AGPS: variants seen among roughly 807,000 people sequenced by gnomAD.
AGPS encodes the protein alkyldihydroxyacetonephosphate synthase, peroxisomal.
In AGPS, 26 loss-of-function variants were observed where a neutral mutation model predicts 90.7. The observed-to-expected ratio is 0.29, with a 90% CI of 0.21 to 0.40. The LOEUF (loss-of-function observed/expected upper bound fraction) is 0.40, where lower values mean the gene tolerates loss of function less well. Among genes scored for constraint, AGPS ranks in the 10% least tolerant of loss-of-function variants. The probability of loss-of-function intolerance (pLI) is 1.00; values close to 1 mark genes in which losing one functional copy is unlikely to be tolerated. For synonymous variants in AGPS, 294 were observed against 285.3 expected (o/e 1.03, Z -0.31); for missense variants, 540 against 816.1 (o/e 0.66, Z 4.12).
rs2079218095 is a variant in AGPS, at chr2:177,540,000, A to T, written c.*1805A>T. 1 of 35,856 alleles carries T rather than the reference A, an allele frequency of 2.8e-5. No individual in the cohort carries two copies. Among genetic ancestry groups the T allele is most frequent in the Non-Finnish European group, 6.3e-5 (1 of 15,760 alleles). The allele number at this position is 35,856 out of a possible 1,614,324, so 2.2% of individuals were successfully genotyped here. On this transcript the variant is annotated 3_prime_UTR_variant, in exon 20 of 20. Transcript: ENST00000264167. ...AATTTCTTTAATTGGTGATCAAAAT[A>T]TAAAATTAAGGTACTAATGTCTCAC...
chr2:177,497,384 G>A (rs1471311536), intron 12 of AGPS, among the ~76,000 whole-genome samples: 10 of 151,552 alleles, frequency 6.6e-5, no homozygotes, highest in East Asian at 1.9e-4. Flanking sequence ...AAACCATACC[G>A]TTGAAAGAAA....
intron 8 of AGPS, among the ~76,000 whole-genome samples, chr2:177,453,824 A>G (rs920816428): frequency 1.4e-5 from 2 of 142,718 alleles, no homozygotes; most frequent in African/African-American, 2.5e-5. Context: ...AGTAGCTGGG[A>G]TTACAAGCTT....
chr2:177,409,155 GC>G (rs5836608), intron 1 of AGPS, among the ~76,000 whole-genome samples: 92,246 of 151,614 alleles, frequency 0.61, 30,767 homozygotes, highest in Non-Finnish European at 0.72. Context: ...AGTAGAAGGG[GC>G]TACTGCTGAT....
chr2:177,521,428 CT>C, intron 18 of AGPS, 60 bp downstream of exon 18: 1 of 1,354,448 alleles, frequency 7.4e-7, no homozygotes, highest in African/African-American at 1.4e-5. Flanking sequence ...ATAAATTTTA[CT>C]GTCAATTTAT....
rs952824140 is a variant in AGPS at position 177,542,941 on chromosome 2, C to A, written c.*4746C>A. On this transcript the variant is annotated 3_prime_UTR_variant, in exon 20 of 20. Coordinates refer to ENST00000264167, the MANE Select transcript of AGPS (RefSeq NM_003659.4). ...TCAGCAGTTCAAGACTATTCCTCTT[C>A]AAGAACATGTCAGGAATTAAGCAGT... 90 of 152,220 alleles carry A rather than the reference C, an allele frequency of 5.9e-4. No individual in the cohort carries two copies. The Middle Eastern group carries it at 0.01, about 17-fold the overall frequency. The allele number at this position is 152,220 out of a possible 1,614,324, so 9.4% of individuals were successfully genotyped here.
Position 177,392,837 on chromosome 2 carries a change from C to G in AGPS, c.48C>G (p.Gly16=). The G allele has an allele frequency of 6.5e-7, 1 of 1,546,462 alleles. No homozygotes were observed. Among genetic ancestry groups the G allele is most frequent in the Non-Finnish European group, 8.7e-7 (1 of 1,152,586 alleles). Residue 16 remains glycine, a synonymous_variant, in exon 1 of 20, where the codon GGC becomes GGG. Transcript: ENST00000264167. ...CGGGTGGGACTGGCTTGGGCGCGGG[C>G]GCGAGCTACGGGTCTGCAGCGGACC... The part of the protein sequence containing the change: ...AAAGGTGLGA[G]ASYGSAADRD...
chr2:177,469,513 G>A (rs2105676790), intron 10 of AGPS, among the ~76,000 whole-genome samples: 1 of 152,208 alleles, frequency 6.6e-6, no homozygotes, highest in East Asian at 1.9e-4. Flanking sequence ...ACAGACCTTT[G>A]TCAAGATATC....
At chr2:177,455,075 G>C (rs1235188375) in intron 8 of AGPS, among the ~76,000 whole-genome samples, 1 of 151,906 alleles carries the variant, frequency 6.6e-6, no homozygotes, top group African/African-American at 2.4e-5. Context: ...TCTTCTTTCA[G>C]CGTGGCCCAG....
At chr2:177,467,225 C>G (rs529081770) in intron 9 of AGPS, among the ~76,000 whole-genome samples, 1 of 152,256 alleles carries the variant, frequency 6.6e-6, no homozygotes, top group Non-Finnish European at 1.5e-5. Context: ...TTCATCTGCT[C>G]TTTAAATTAT....
chr2:177,431,449 G>T (rs527386992), intron 2 of AGPS, among the ~76,000 whole-genome samples: 2 of 152,162 alleles, frequency 1.3e-5, no homozygotes, highest in East Asian at 3.9e-4. Flanking sequence ...GCAGAGAACC[G>T]GTCTGACCTC....
chr2:177,524,759 T>C (rs2079065879), intron 19 of AGPS, among the ~76,000 whole-genome samples: 1 of 152,212 alleles, frequency 6.6e-6, no homozygotes. Context: ...ATTCTAGTTT[T>C]GTTTGTTGCT....
In AGPS at chr2:177,399,412, A is replaced by G. The variant is rs964374745; in HGVS notation, c.260+6363A>G. 5.9e-5 allele frequency among the ~76,000 whole-genome samples: 9 copies of G among 152,274 alleles called. No individual in the cohort carries two copies. In the South Asian group the frequency reaches 1.9e-3, roughly 32 times the overall value. Reference sequence around the variant, plus strand: ...TTATTTGTTGGGTCTTGGGGGTGATATTTTGTCATATCCTTGTCCCAACAT... The same window carrying G: ...TTATTTGTTGGGTCTTGGGGGTGATGTTTTGTCATATCCTTGTCCCAACAT... On this transcript the variant is annotated intron_variant, in intron 1 of 19. Coordinates refer to ENST00000264167, the MANE Select transcript of AGPS (RefSeq NM_003659.4).
chr2:177,531,442 A>G (rs932330580), intron 19 of AGPS, among the ~76,000 whole-genome samples: 3 of 152,200 alleles, frequency 2.0e-5, no homozygotes, highest in Non-Finnish European at 4.4e-5. Flanking sequence ...AGCAAAATAT[A>G]TACCGAATTT....
At chr2:177,482,258 A>C in intron 11 of AGPS, 72 bp downstream of exon 11, 1 of 858,128 alleles carries the variant, frequency 1.2e-6, no homozygotes, top group Non-Finnish European at 1.7e-6. Flanking sequence ...AAATTCTACT[A>C]CATAGTTGAT....
intron 17 of AGPS, 45 bp downstream of exon 17, chr2:177,513,953 T>C: frequency 6.9e-7 from 1 of 1,452,592 alleles, no homozygotes; most frequent in Admixed American, 1.7e-5. Flanking sequence ...CTGAAAAAAA[T>C]GTTTTTTTTA....
chr2:177,540,726 A>G lies in AGPS; in HGVS notation c.*2531A>G, dbSNP rs892647943. The G allele has an allele frequency of 6.6e-6, 1 of 152,070 alleles. No homozygotes were observed. Among genetic ancestry groups the G allele is most frequent in the Non-Finnish European group, 1.5e-5 (1 of 67,960 alleles). 9.4% of individuals were successfully genotyped at this position (152,070 alleles called of 1,614,324 possible). A position where few individuals can be genotyped will look rare whatever the true frequency, so the allele number is the denominator to read the frequency against. ...TGGTTTTCAGTACTGCATAACACTG[A>G]CTTTCTTAAATTAGTCATAGTTGCA... On this transcript the variant is annotated 3_prime_UTR_variant, in exon 20 of 20. Transcript: ENST00000264167.
At chr2:177,437,546 CAG>C (rs1172378991) in intron 5 of AGPS, among the ~76,000 whole-genome samples, 19 of 152,146 alleles carry the variant, frequency 1.2e-4, no homozygotes, top group Admixed American at 5.2e-4. Flanking sequence ...TTGGCTGGGA[CAG>C]GGGATGGATG....
rs1559027527 is a variant in AGPS at position 177,393,171 on chromosome 2, G to A, written c.260+122G>A. ...GTGGGCGGAAGGCATCCCGGTCCCT[G>A]AAAGTAGGGACCCACCTCTCTTTCG... On this transcript the variant is annotated intron_variant, in intron 1 of 19. Coordinates refer to ENST00000264167, the MANE Select transcript of AGPS (RefSeq NM_003659.4). 61 of 1,546,370 alleles carry A rather than the reference G, an allele frequency of 3.9e-5. No homozygotes were observed. In the South Asian group the frequency reaches 6.7e-4, roughly 17 times the overall value.
At chr2:177,454,612 A>T (rs936204762) in intron 8 of AGPS, among the ~76,000 whole-genome samples, 17 of 150,706 alleles carry the variant, frequency 1.1e-4, no homozygotes, top group African/African-American at 3.9e-4. Context: ...TTTATTTTTA[A>T]TTTTATATTT....
Sources: gnomAD v4.1 joint callset for allele counts (sites outside exome capture counted in the v4.1 genomes callset) on GRCh38, gnomAD v4.1.1 for gene constraint, MANE v1.5 for transcripts, NCBI Gene and HGNC (gene_info 2026-07-23, HGNC 2026-07-21) for gene names.